The following LRRC69 variants were observed in gnomAD, a reference collection of about 807,000 sequenced individuals.
The protein encoded by LRRC69 is leucine rich repeat containing 69.
A neutral mutation model predicts 37.8 loss-of-function variants in LRRC69; 42 were observed. That is an observed-to-expected ratio of 1.11 (90% CI 0.87 to 1.44). LRRC69 has a LOEUF of 1.44. LRRC69 is among the 40% of genes most tolerant of loss of function. The pLI is 0.00. For synonymous variants in LRRC69, 141 were observed against 143.1 expected (o/e 0.99, Z 0.11); for missense variants, 357 against 401.9 (o/e 0.89, Z 0.96).
chr8:91,117,654 A>T (rs1813534707), intron 1 of LRRC69, among the ~76,000 whole-genome samples: 1 of 147,412 alleles, frequency 6.8e-6, no homozygotes, highest in Non-Finnish European at 1.5e-5. Context: ...AGGATGTGGG[A>T]TATCTGCTTG....
At chr8:91,180,063 T>C (rs1809298547) in intron 5 of LRRC69, among the ~76,000 whole-genome samples, 1 of 152,216 alleles carries the variant, frequency 6.6e-6, no homozygotes, top group African/African-American at 2.4e-5. Context: ...TTTAGTAAAA[T>C]AGAAGCTCTC....
At chr8:91,212,054 T>C (rs1704164203) in intron 7 of LRRC69, among the ~76,000 whole-genome samples, 1 of 152,168 alleles carries the variant, frequency 6.6e-6, no homozygotes, top group South Asian at 2.1e-4. Context: ...TTTTTCTAAA[T>C]GCTATAGTTC....
At chr8:91,107,239 A>G (rs1300169684) in intron 1 of LRRC69, among the ~76,000 whole-genome samples, 1 of 151,532 alleles carries the variant, frequency 6.6e-6, no homozygotes, top group Non-Finnish European at 1.5e-5. Context: ...GGTTCAAGTG[A>G]TTTTCCTTCC....
At chr8:91,217,104 T>TTG (rs145072788) in intron 7 of LRRC69, among the ~76,000 whole-genome samples, 20 of 152,018 alleles carry the variant, frequency 1.3e-4, no homozygotes, top group African/African-American at 4.8e-4. Context: ...ATGTTTCTAT[T>TTG]TGTGTGTGTG....
At chr8:91,104,477 A>G (rs1436013830) in intron 1 of LRRC69, among the ~76,000 whole-genome samples, 1 of 151,880 alleles carries the variant, frequency 6.6e-6, no homozygotes, top group Non-Finnish European at 1.5e-5. Context: ...CTTATATGCC[A>G]TTTTTGTTCC....
At chr8:91,133,368 G>T in intron 4 of LRRC69, 63 bp downstream of exon 4, 1 of 1,251,250 alleles carries the variant, frequency 8.0e-7, no homozygotes, top group Non-Finnish European at 1.1e-6. Flanking sequence ...GATGGGAGGT[G>T]GTTATAGATT....
rs200250210 is a variant in LRRC69, at chr8:91,155,298, T to C, written c.651+19559T>C. 2.6e-5 allele frequency among the ~76,000 whole-genome samples: 4 copies of C among 151,166 alleles called. No homozygotes were observed. The East Asian group carries it at 5.8e-4, about 22-fold the overall frequency. On this transcript the variant is annotated intron_variant, in intron 5 of 7. Coordinates refer to ENST00000448384, the Ensembl canonical transcript of LRRC69. ...ATACTTATTCTCTCCTCTTAGACAA[T>C]TTAAAACTTTCTATTACATACCTCC...
At chr8:91,197,583 TA>T (rs983748739) in intron 6 of LRRC69, among the ~76,000 whole-genome samples, 7 of 152,116 alleles carry the variant, frequency 4.6e-5, no homozygotes, top group African/African-American at 1.7e-4. Flanking sequence ...AGCGCAGTAT[TA>T]GGGTGGGAGT....
chr8:91,183,387 A>C (rs1809354805), intron 5 of LRRC69, among the ~76,000 whole-genome samples: 1 of 152,274 alleles, frequency 6.6e-6, no homozygotes, highest in South Asian at 2.1e-4. Flanking sequence ...ACCTGAACAT[A>C]TTTAAGAGAT....
intron 5 of LRRC69, among the ~76,000 whole-genome samples, chr8:91,174,869 C>T (rs930987760): frequency 7.3e-6 from 1 of 137,178 alleles, no homozygotes; most frequent in African/African-American, 2.8e-5. Context: ...TGGAGAGGTG[C>T]TAACTGTATA....
intron 1 of LRRC69, among the ~76,000 whole-genome samples, chr8:91,123,069 T>G (rs1813657999): frequency 6.6e-6 from 1 of 152,016 alleles, no homozygotes; most frequent in African/African-American, 2.4e-5. Flanking sequence ...AAGGGGAAAG[T>G]GGGGCATATA....
chr8:91,176,238 G>A (rs1264266145), intron 5 of LRRC69, among the ~76,000 whole-genome samples: 3 of 150,962 alleles, frequency 2.0e-5, no homozygotes, highest in Admixed American at 6.6e-5. Flanking sequence ...GGGTTCAAGC[G>A]ATTCCCCTGC....
chr8:91,172,471 A>C (rs1015319488), intron 5 of LRRC69, among the ~76,000 whole-genome samples: 4 of 151,926 alleles, frequency 2.6e-5, no homozygotes, highest in African/African-American at 9.7e-5. Flanking sequence ...TAATTATTTT[A>C]TAGTCCTGTT....
At chr8:91,115,082 GTTTCAGTTATGTAAGATAAATAAGT>G (rs1813485694) in intron 1 of LRRC69, among the ~76,000 whole-genome samples, 1 of 151,794 alleles carries the variant, frequency 6.6e-6, no homozygotes, top group African/African-American at 2.4e-5. Context: ...AGGGCACAAA[GTTTCAGTTATGTAAGATAAATAAGT>G]TTTGGAGAGC....
intron 5 of LRRC69, among the ~76,000 whole-genome samples, chr8:91,188,329 G>T (rs982064108): frequency 5.9e-5 from 9 of 152,130 alleles, no homozygotes; most frequent in African/African-American, 1.7e-4. Context: ...TCAAATTCTG[G>T]TCTCAAATTA....
intron 6 of LRRC69, among the ~76,000 whole-genome samples, chr8:91,189,936 T>C (rs1809465132): frequency 6.6e-6 from 1 of 152,216 alleles, no homozygotes; most frequent in Admixed American, 6.5e-5. Flanking sequence ...GTTCTTAGTG[T>C]AGTCTTTACC....
chr8:91,150,685 G>A (rs1387940462), intron 5 of LRRC69, among the ~76,000 whole-genome samples: 2 of 152,100 alleles, frequency 1.3e-5, no homozygotes, highest in East Asian at 3.9e-4. Flanking sequence ...TGTACCTCTG[G>A]TAGAATTCGG....
chr8:91,105,074 C>G (rs778677981), intron 1 of LRRC69, among the ~76,000 whole-genome samples: 1 of 151,916 alleles, frequency 6.6e-6, no homozygotes. Flanking sequence ...CCAGTGCTTA[C>G]TTTTAAAGAA....
intron 5 of LRRC69, among the ~76,000 whole-genome samples, chr8:91,172,591 C>T (rs1211955433): frequency 6.6e-6 from 1 of 151,992 alleles, no homozygotes; most frequent in East Asian, 1.9e-4. Context: ...TCTCAGCTCA[C>T]CGCAACCTCC....
Sources: allele counts gnomAD v4.1 joint callset (sites outside exome capture counted in the v4.1 genomes callset), GRCh38; gene constraint gnomAD v4.1.1; transcripts MANE v1.5; gene names NCBI Gene and HGNC (gene_info 2026-07-23, HGNC 2026-07-21).